The following NPHP4 variants were observed in gnomAD, a reference collection of about 807,000 sequenced individuals.
The protein encoded by NPHP4 is nephrocystin 4.
A neutral mutation model predicts 155.8 loss-of-function variants in NPHP4; 151 were observed. The ratio of observed to expected loss-of-function variants is 0.97; its 90% CI spans 0.85 to 1.11. The LOEUF is 1.11. NPHP4 is among the 50% of genes least tolerant of loss of function. The pLI is 0.00. For synonymous variants in NPHP4, 845 were observed against 816.8 expected, an observed-to-expected ratio of 1.03 and a Z score of -0.59; for missense variants, 1,956 against 1,925.7, an observed-to-expected ratio of 1.02 and a Z score of -0.29.
At chr1:5,873,703 C>T (rs905468) in intron 22 of NPHP4, 62,235 of 339,362 alleles carry the variant, frequency 0.18, 6,358 homozygotes, top group South Asian at 0.25. Context: ...CCCAAAAGGT[C>T]AAAAGCTGAA....
At chr1:5,897,771 G>A (rs1490622948) in intron 16 of NPHP4, among the ~76,000 whole-genome samples, 2 of 152,152 alleles carry the variant, frequency 1.3e-5, no homozygotes, top group African/African-American at 2.4e-5. Flanking sequence ...ATGGTACTAT[G>A]AAATTTGTGT....
intron 12 of NPHP4, 95 bp downstream of exon 12, chr1:5,909,057 G>A (rs1458581362): frequency 2.6e-5 from 27 of 1,045,246 alleles, no homozygotes; most frequent in Admixed American, 2.0e-5. Context: ...GCAGAAGCAC[G>A]CAGGGATCCA....
At chr1:5,875,217 G>A in intron 20 of NPHP4, 117 bp from the exon 21 acceptor site, 14 of 799,512 alleles carry the variant, frequency 1.8e-5, no homozygotes, top group Non-Finnish European at 2.3e-5. Flanking sequence ...CACAAGCATC[G>A]CCACCACCAC....
rs530257428 is a variant in NPHP4 at position 5,959,290 on chromosome 1, C to T, written c.673+2504G>A. On this transcript the variant is annotated intron_variant, in intron 6 of 29. Transcript: ENST00000378156. ...CACCTTGGTGACGGGCCGGCTGCTCCACACCTGGAAGGCCGACTTGAGGCC... is the reference window on the plus strand; with the variant it reads ...CACCTTGGTGACGGGCCGGCTGCTCTACACCTGGAAGGCCGACTTGAGGCC... Among the ~76,000 whole-genome samples the T allele has an allele frequency of 4.3e-3, 648 of 152,352 alleles. 7 individuals carry two copies. Among genetic ancestry groups the T allele is most frequent in the African/African-American group, 0.014 (601 of 41,576 alleles).
At chr1:5,929,906 T>C (rs1466995705) in intron 10 of NPHP4, among the ~76,000 whole-genome samples, 1 of 152,226 alleles carries the variant, frequency 6.6e-6, no homozygotes, top group Non-Finnish European at 1.5e-5. Context: ...ACATGTCTAA[T>C]AGAATTCATA....
intron 16 of NPHP4, among the ~76,000 whole-genome samples, chr1:5,894,217 A>G (rs1205609497): frequency 3.9e-5 from 6 of 152,180 alleles, no homozygotes; most frequent in Non-Finnish European, 8.8e-5. Flanking sequence ...TACAAATAAT[A>G]TTCTCTTAAC....
intron 20 of NPHP4, 45 bp downstream of exon 20, chr1:5,877,048 T>A (rs988791923): frequency 1.6e-6 from 2 of 1,274,436 alleles, no homozygotes; most frequent in Non-Finnish European, 2.1e-6. Flanking sequence ...AGTGACTCAG[T>A]CTGCATGGAG....
intron 9 of NPHP4, among the ~76,000 whole-genome samples, chr1:5,945,259 A>AC (rs1192467847): frequency 6.6e-6 from 1 of 151,632 alleles, no homozygotes; most frequent in African/African-American, 2.4e-5. Flanking sequence ...CGCTGCCAGG[A>AC]CACCCTGAGG....
rs376083469 is a variant in NPHP4, at chr1:5,961,965, C to A, written c.518-16G>T. 1 of 1,586,152 alleles carries A rather than the reference C, an allele frequency of 6.3e-7. No homozygotes were observed. The highest frequency in any genetic ancestry group is 8.6e-7 in the Non-Finnish European group (1 of 1,157,338). On this transcript the variant is annotated splice_polypyrimidine_tract_variant and intron_variant, in intron 5 of 29. Coordinates refer to ENST00000378156, the MANE Select transcript of NPHP4 (RefSeq NM_015102.5). ...TGTCTGTTTTCTGGTGAAGAAAACACAATGTGATCAACTGATAGCTGAAAG... is the reference window on the plus strand; with the variant it reads ...TGTCTGTTTTCTGGTGAAGAAAACAAAATGTGATCAACTGATAGCTGAAAG...
At chr1:5,973,614 TG>T (rs1321683972) in intron 3 of NPHP4, among the ~76,000 whole-genome samples, 1 of 152,210 alleles carries the variant, frequency 6.6e-6, no homozygotes, top group Non-Finnish European at 1.5e-5. Context: ...CACACTATGC[TG>T]CTGTGAACAC....
chr1:5,983,652 A>G lies in NPHP4; in HGVS notation c.135+2503T>C, dbSNP rs1655047986. Among the ~76,000 whole-genome samples, 3 of 152,122 alleles carry G rather than the reference A, an allele frequency of 2.0e-5. No homozygotes were observed. The South Asian group carries it at 6.2e-4, about 32-fold the overall frequency. ...CAACCTTAGCTGAGAGTATGACTAC[A>G]TGCTGAGTCATGTGAGTCCTCTTAG... is the stretch of plus-strand genomic sequence containing the variant. On this transcript the variant is annotated intron_variant, in intron 2 of 29. Coordinates refer to ENST00000378156, the MANE Select transcript of NPHP4 (RefSeq NM_015102.5).
intron 11 of NPHP4, among the ~76,000 whole-genome samples, chr1:5,923,483 T>C (rs1044661264): frequency 2.0e-5 from 3 of 151,976 alleles, no homozygotes; most frequent in Non-Finnish European, 2.9e-5. Flanking sequence ...TTACAGAGGG[T>C]CCCACCCTAG....
chr1:5,871,550 A>G (rs146639983), intron 23 of NPHP4, among the ~76,000 whole-genome samples: 8 of 152,384 alleles, frequency 5.2e-5, no homozygotes, highest in African/African-American at 1.7e-4. Flanking sequence ...GAAAGATCAC[A>G]GGAAGAATGA....
intron 7 of NPHP4, 29 bp from the exon 8 acceptor site, chr1:5,948,280 C>T (rs534342428): frequency 9.3e-6 from 14 of 1,499,890 alleles, no homozygotes; most frequent in South Asian, 2.5e-5. Flanking sequence ...GAATGAGCCC[C>T]GGCACAGACG....
chr1:5,908,561 G>T (rs6692955), intron 12 of NPHP4, among the ~76,000 whole-genome samples: 1 of 152,192 alleles, frequency 6.6e-6, no homozygotes, highest in African/African-American at 2.4e-5. Context: ...ACTCCAGAAC[G>T]GCAGCCAAGC....
intron 7 of NPHP4, among the ~76,000 whole-genome samples, chr1:5,949,244 A>G (rs904083394): frequency 6.6e-6 from 1 of 152,044 alleles, no homozygotes; most frequent in South Asian, 2.1e-4. Flanking sequence ...TGGTGTTTCA[A>G]TCCTATTCTC....
chr1:5,934,401 G>A (rs1646429899), intron 9 of NPHP4, among the ~76,000 whole-genome samples: 1 of 152,180 alleles, frequency 6.6e-6, no homozygotes. Context: ...AGAGGAAGGA[G>A]GAGCAGCTGT....
rs746478437 is a variant in NPHP4 at position 5,880,185 on chromosome 1, G to T, written c.2540C>A (p.Ser847Tyr). ...RGCSTLPPSR[S>Y]RVISNDGASR... Reference sequence around the variant, plus strand: ...GGCTCCATCGTTTGAGATGACCCGAGATCTGGACGGTGGCAATGTGCTACA... The same window carrying T: ...GGCTCCATCGTTTGAGATGACCCGATATCTGGACGGTGGCAATGTGCTACA... The change falls in exon 19 of 30, where the codon TCT becomes TAT. Residue 847 changes from serine (S) to tyrosine (Y), a missense_variant. Ser to Tyr is a moderately radical substitution (Grantham distance 144). Coordinates refer to ENST00000378156, the MANE Select transcript of NPHP4 (RefSeq NM_015102.5). 2.5e-6 allele frequency: 4 copies of T among 1,613,756 alleles called. No homozygotes were observed. Among genetic ancestry groups the T allele is most frequent in the Non-Finnish European group, 3.4e-6 (4 of 1,179,754 alleles).
At position 5,874,907 on chromosome 1, in the gene NPHP4, G is replaced by T; in HGVS notation, c.3011C>A (p.Thr1004Lys). 1 of 1,613,800 alleles carries T rather than the reference G, an allele frequency of 6.2e-7. No homozygotes were observed. Among genetic ancestry groups the T allele is most frequent in the Non-Finnish European group, 8.5e-7 (1 of 1,179,866 alleles). The change falls in exon 21 of 30, where the codon ACG (threonine) becomes AAG (lysine). Residue 1004 changes from threonine to lysine, a missense_variant. By Grantham distance (78) the Thr-to-Lys change is moderately conservative. Transcript: ENST00000378156. Reference sequence around the variant, plus strand: ...GGGGTTGTCGATCTCCACAGTCACCGTGTGCTGTGTGTTGTGGGGGTTCTT... The same window carrying T: ...GGGGTTGTCGATCTCCACAGTCACCTTGTGCTGTGTGTTGTGGGGGTTCTT... ...VLKNPHNTQH[T>K]VTVEIDNPEL...
Sources: allele counts gnomAD v4.1 joint callset (sites outside exome capture counted in the v4.1 genomes callset), GRCh38; gene constraint gnomAD v4.1.1; transcripts MANE v1.5; gene names NCBI Gene and HGNC (gene_info 2026-07-23, HGNC 2026-07-21).